Variants in CLEC16A observed in about 807,000 individuals in gnomAD.
CLEC16A encodes the protein protein CLEC16A.
Under a neutral mutation model 109.5 loss-of-function variants are expected in CLEC16A, and 51 were observed. The ratio of observed to expected loss-of-function variants is 0.47; its 90% confidence interval spans 0.37 to 0.59. The LOEUF is 0.59. Ranked by LOEUF, CLEC16A falls within the 20% of genes least tolerant of loss-of-function variation. The pLI is 0.00. For missense variants in CLEC16A, 1,339 were observed against 1,394.0 expected, an observed-to-expected ratio of 0.96 and a Z score of 0.63; for synonymous variants, 673 against 564.2, an observed-to-expected ratio of 1.19 and a Z score of -2.73.
rs967012144 is a variant in CLEC16A at position 11,047,188 on chromosome 16, G to T, written c.1816-104G>T. Reference sequence around the variant, plus strand: ...GTGATTTACGAGAACTCACTAATGAGAAACAGATGGCCTCTAAAGCCACAA... The same window carrying T: ...GTGATTTACGAGAACTCACTAATGATAAACAGATGGCCTCTAAAGCCACAA... On this transcript the variant is annotated intron_variant, in intron 16 of 23. Coordinates refer to ENST00000409790, the MANE Select transcript of CLEC16A (RefSeq NM_015226.3). 8 of 802,350 alleles carry T rather than the reference G, an allele frequency of 1.0e-5. No homozygotes were observed. The Admixed American group carries it at 2.2e-4, about 22-fold the overall frequency. The allele number at this position is 802,350 out of a possible 1,614,324, so 49.7% of individuals were successfully genotyped here.
At chr16:10,980,416 C>CG (rs2043256618) in intron 9 of CLEC16A, among the ~76,000 whole-genome samples, 1 of 151,888 alleles carries the variant, frequency 6.6e-6, no homozygotes, top group African/African-American at 2.4e-5. Context: ...CCAAGTCTGC[C>CG]GGCATCTCCT....
intron 19 of CLEC16A, among the ~76,000 whole-genome samples, chr16:11,116,515 G>A (rs2052005461): frequency 6.6e-6 from 1 of 152,152 alleles, no homozygotes. Context: ...AGGGAAACAC[G>A]AGGCCTGTAA....
At chr16:11,120,079 C>T (rs1426379608) in intron 19 of CLEC16A, among the ~76,000 whole-genome samples, 1 of 152,224 alleles carries the variant, frequency 6.6e-6, no homozygotes, top group African/African-American at 2.4e-5. Context: ...AAGCAATTCT[C>T]CTGCCTCAGC....
intron 19 of CLEC16A, among the ~76,000 whole-genome samples, chr16:11,106,444 A>G (rs1597398815): frequency 7.1e-6 from 1 of 140,944 alleles, no homozygotes; most frequent in Non-Finnish European, 1.5e-5. Flanking sequence ...GTGAGCCACC[A>G]CACCCAGCCC....
At chr16:10,967,359 A>G (rs1297125265) in intron 3 of CLEC16A, among the ~76,000 whole-genome samples, 2 of 152,100 alleles carry the variant, frequency 1.3e-5, no homozygotes, top group East Asian at 1.9e-4. Context: ...TCTTCACCCA[A>G]GAGCAACTGT....
intron 19 of CLEC16A, among the ~76,000 whole-genome samples, chr16:11,079,505 T>A (rs1052780330): frequency 1.3e-5 from 2 of 152,248 alleles, no homozygotes; most frequent in Admixed American, 6.5e-5. Flanking sequence ...TGAGATAGAC[T>A]TTCTTTCCTT....
intron 9 of CLEC16A, among the ~76,000 whole-genome samples, chr16:10,980,162 T>C (rs2146640140): frequency 6.6e-6 from 1 of 152,308 alleles, no homozygotes; most frequent in East Asian, 1.9e-4. Context: ...GATCCCCAGC[T>C]GTTTTGAATT....
chr16:11,055,104 G>A (rs1467110742), intron 18 of CLEC16A, among the ~76,000 whole-genome samples: 1 of 152,148 alleles, frequency 6.6e-6, no homozygotes, highest in African/African-American at 2.4e-5. Flanking sequence ...TTCTTGCTAT[G>A]TGCCAAATAC....
intron 22 of CLEC16A, among the ~76,000 whole-genome samples, chr16:11,148,488 CACTT>C (rs1395989147): frequency 1.3e-5 from 2 of 152,178 alleles, no homozygotes; most frequent in African/African-American, 4.8e-5. Context: ...GTACTCTTCT[CACTT>C]AATCCTCACA....
At chr16:11,111,094 T>G (rs2051554984) in intron 19 of CLEC16A, among the ~76,000 whole-genome samples, 1 of 152,176 alleles carries the variant, frequency 6.6e-6, no homozygotes, top group Non-Finnish European at 1.5e-5. Flanking sequence ...ATGCAGCATG[T>G]AGCTTCTTGG....
At chr16:10,980,406 C>T (rs1301681542) in intron 9 of CLEC16A, among the ~76,000 whole-genome samples, 1 of 152,096 alleles carries the variant, frequency 6.6e-6, no homozygotes, top group Admixed American at 6.5e-5. Flanking sequence ...CTGCCTCTTT[C>T]CAAGTCTGCC....
intron 19 of CLEC16A, among the ~76,000 whole-genome samples, chr16:11,094,691 G>A (rs2050505202): frequency 6.6e-6 from 1 of 152,168 alleles, no homozygotes; most frequent in Non-Finnish European, 1.5e-5. Context: ...TGGCCCCACT[G>A]CCCGAATATG....
chr16:10,973,068 G>T lies in CLEC16A; in HGVS notation c.728+7G>T. On this transcript the variant is annotated splice_region_variant and intron_variant, in intron 7 of 23. Transcript: ENST00000409790. ...GCGTGCAGACTGATGAGGAGTAAGT[G>T]ACACCCCCAGGGCCACTCAGTAGAT... The T allele has an allele frequency of 6.3e-7, 1 of 1,598,538 alleles. No individual in the cohort carries two copies. The highest frequency in any genetic ancestry group is 8.5e-7 in the Non-Finnish European group (1 of 1,171,930).
In CLEC16A at chr16:10,982,813, A is replaced by G. The variant is rs569423175; in HGVS notation, c.958-65A>G. 7.5e-6 allele frequency: 7 copies of G among 932,608 alleles called. No individual in the cohort carries two copies. The Admixed American group carries it at 9.7e-5, about 13-fold the overall frequency. The allele number at this position is 932,608 out of a possible 1,614,324, so 57.8% of individuals were successfully genotyped here. On this transcript the variant is annotated intron_variant, in intron 9 of 23. Transcript: ENST00000409790. ...AGCCCAGCCTGGTCGCTTCTGATCC[A>G]GGAAGCAAGAGGTTGAAAATACCGC...
intron 22 of CLEC16A, among the ~76,000 whole-genome samples, chr16:11,129,581 C>T (rs1390380494): frequency 6.6e-6 from 1 of 152,212 alleles, no homozygotes; most frequent in Non-Finnish European, 1.5e-5. Context: ...AGACCCACTC[C>T]TGTAAATCAC....
chr16:11,117,090 A>G (rs2052049303), intron 19 of CLEC16A, among the ~76,000 whole-genome samples: 2 of 152,218 alleles, frequency 1.3e-5, no homozygotes, highest in Non-Finnish European at 2.9e-5. Context: ...AAAACCAAAT[A>G]CCGCATGTTC....
chr16:11,021,687 A>T lies in CLEC16A; in HGVS notation c.1436+1362A>T, dbSNP rs182385542. ...GTGGCAGGTGCCTGTAGTCCCGGCT[A>T]CTTGAGAGGCTGAGGTGGGAGATTG... On this transcript the variant is annotated intron_variant, in intron 12 of 23. Coordinates refer to ENST00000409790, the MANE Select transcript of CLEC16A (RefSeq NM_015226.3). Among the ~76,000 whole-genome samples, 7 of 152,328 alleles carry T rather than the reference A, an allele frequency of 4.6e-5. No homozygotes were observed. In the East Asian group the frequency reaches 1.3e-3, roughly 29 times the overall value.
At chr16:11,039,912 C>G in intron 14 of CLEC16A, 36 bp downstream of exon 14, 1 of 1,604,238 alleles carries the variant, frequency 6.2e-7, no homozygotes. Flanking sequence ...CACAGGGCCA[C>G]GCAGTTGTAG....
chr16:10,988,266 C>T (rs1003579317), intron 10 of CLEC16A, among the ~76,000 whole-genome samples: 1 of 152,112 alleles, frequency 6.6e-6, no homozygotes. Context: ...TGGTTTCCTT[C>T]ATTTTTGCAT....
Sources: gnomAD v4.1 joint callset for allele counts (sites outside exome capture counted in the v4.1 genomes callset) on GRCh38, gnomAD v4.1.1 for gene constraint, MANE v1.5 for transcripts, NCBI Gene and HGNC (gene_info 2026-07-23, HGNC 2026-07-21) for gene names.